The following PATJ variants were observed in gnomAD, a reference collection of about 807,000 sequenced individuals.
PATJ encodes the protein inaD-like protein.
PATJ carries 190 observed loss-of-function variants against 224.9 expected under a neutral mutation model. The ratio of observed to expected loss-of-function variants is 0.84; its 90% CI spans 0.75 to 0.95. The LOEUF (loss-of-function observed/expected upper bound fraction) is 0.95. Among genes scored for constraint, PATJ ranks in the 40% least tolerant of loss-of-function variants. PATJ has a pLI of 0.00. For missense variants in PATJ, 2,121 were observed against 2,270.3 expected, an observed-to-expected ratio of 0.93 and a Z score of 1.34; for synonymous variants, 769 against 820.3, an observed-to-expected ratio of 0.94 and a Z score of 1.07.
chr1:61,930,604 G>A (rs1675886444), intron 27 of PATJ, among the ~76,000 whole-genome samples: 1 of 152,152 alleles, frequency 6.6e-6, no homozygotes, highest in African/African-American at 2.4e-5. Context: ...ATGGGGTCTT[G>A]TTCTGTCATC....
At chr1:61,920,028 T>G (rs770172423) in intron 26 of PATJ, among the ~76,000 whole-genome samples, 16 of 152,194 alleles carry the variant, frequency 1.1e-4, no homozygotes, top group Non-Finnish European at 1.8e-4. Context: ...ACTTACTGAT[T>G]TTTTTTGTTA....
intron 1 of PATJ, among the ~76,000 whole-genome samples, chr1:61,758,605 C>A (rs1645784356): frequency 6.6e-6 from 1 of 152,124 alleles, no homozygotes; most frequent in African/African-American, 2.4e-5. Context: ...CCTTGACCTC[C>A]CAAAGTGCTG....
At chr1:61,828,711 A>G (rs1658777939) in intron 16 of PATJ, among the ~76,000 whole-genome samples, 1 of 152,144 alleles carries the variant, frequency 6.6e-6, no homozygotes, top group African/African-American at 2.4e-5. Flanking sequence ...TTGAGCACAT[A>G]CTTTGCCATC....
intron 6 of PATJ, 112 bp from the exon 7 acceptor site, chr1:61,775,094 C>A (rs1403556411): frequency 2.8e-6 from 3 of 1,087,840 alleles, no homozygotes; most frequent in Non-Finnish European, 2.6e-6. Context: ...TGATTAATTG[C>A]ATGAATGTTC....
At chr1:61,838,521 A>ATTTTTT (rs34877280) in intron 17 of PATJ, among the ~76,000 whole-genome samples, 8 of 115,570 alleles carry the variant, frequency 6.9e-5, no homozygotes, top group Non-Finnish European at 1.2e-4. Context: ...CGCCTGGCTA[A>ATTTTTT]TTTTTTTTTT....
At chr1:62,022,340 T>C (rs1487618043) in intron 29 of PATJ, among the ~76,000 whole-genome samples, 3 of 152,226 alleles carry the variant, frequency 2.0e-5, no homozygotes, top group Non-Finnish European at 4.4e-5. Flanking sequence ...TTTTCCCTTT[T>C]GCTTTTCGCA....
In PATJ at chr1:62,137,380, C is replaced by T. The variant is rs192871487; in HGVS notation, c.5271+8435C>T. 6.8e-3 allele frequency among the ~76,000 whole-genome samples: 781 copies of T among 115,348 alleles called. 5 individuals are homozygous for T. Among genetic ancestry groups the T allele is most frequent in the Non-Finnish European group, 0.01 (594 of 57,658 alleles). The allele number at this position is 115,348 out of a possible 152,430, so 75.7% of individuals were successfully genotyped here. ...AAGGAAACATGGAATAAGTGAGTTT[C>T]GTCGGAGGGGGGAACATAGAATGAG... On this transcript the variant is annotated intron_variant, in intron 41 of 43. Coordinates refer to ENST00000642238, the MANE Select transcript of PATJ (RefSeq NM_001350145.3).
At chr1:62,061,280 C>T (rs1655384641) in intron 31 of PATJ, among the ~76,000 whole-genome samples, 1 of 152,066 alleles carries the variant, frequency 6.6e-6, no homozygotes, top group Non-Finnish European at 1.5e-5. Context: ...CTCCCAGGTT[C>T]AAGCAATTCT....
intron 31 of PATJ, among the ~76,000 whole-genome samples, chr1:62,068,899 T>C (rs1656937763): frequency 6.6e-6 from 1 of 152,214 alleles, no homozygotes; most frequent in Non-Finnish European, 1.5e-5. Flanking sequence ...TCTTCATTCT[T>C]CTTTTTTAGG....
chr1:61,876,101 A>G (rs190889676), intron 21 of PATJ, among the ~76,000 whole-genome samples: 107 of 152,234 alleles, frequency 7.0e-4, no homozygotes, highest in African/African-American at 2.5e-3. Context: ...AATATGTTGT[A>G]AGGGGAGAGA....
At chr1:62,045,021 C>A (rs1652255925) in intron 30 of PATJ, among the ~76,000 whole-genome samples, 1 of 152,078 alleles carries the variant, frequency 6.6e-6, no homozygotes, top group African/African-American at 2.4e-5. Flanking sequence ...AGTTCAAGAC[C>A]AGCCTGGCCA....
rs374756128 is a variant in PATJ at position 62,090,738 on chromosome 1, G to C, written c.4377+6090G>C. Among the ~76,000 whole-genome samples, 71 of 152,242 alleles carry C rather than the reference G, an allele frequency of 4.7e-4. 1 individual carries two copies. The highest frequency in any genetic ancestry group is 6.2e-4 in the South Asian group (3 of 4,816). ...TGTTGAATTTGCATGAAATCCTACA[G>C]CTTAGAGAACTCATCCTACTCTGTC... On this transcript the variant is annotated intron_variant, in intron 33 of 43. Coordinates refer to ENST00000642238, the MANE Select transcript of PATJ (RefSeq NM_001350145.3).
intron 42 of PATJ, among the ~76,000 whole-genome samples, chr1:62,152,413 G>T (rs1196761223): frequency 6.7e-6 from 1 of 149,672 alleles, no homozygotes; most frequent in African/African-American, 2.4e-5. Context: ...CCAGCACTTT[G>T]GGAGGCGTCA....
At chr1:61,781,571 C>G (rs1401786324) in intron 7 of PATJ, among the ~76,000 whole-genome samples, 1 of 152,210 alleles carries the variant, frequency 6.6e-6, no homozygotes, top group African/African-American at 2.4e-5. Context: ...CTCAGCACAC[C>G]TACATCCAAA....
At chr1:61,766,064 A>C (rs191094215) in intron 3 of PATJ, among the ~76,000 whole-genome samples, 2 of 152,354 alleles carry the variant, frequency 1.3e-5, no homozygotes, top group South Asian at 4.1e-4. Flanking sequence ...GCAGGAAATA[A>C]GAACAAATTT....
At chr1:62,122,043 T>C (rs747119130) in intron 38 of PATJ, among the ~76,000 whole-genome samples, 1 of 151,438 alleles carries the variant, frequency 6.6e-6, no homozygotes, top group Non-Finnish European at 1.5e-5. Flanking sequence ...TTATCTTTGA[T>C]TAAGGTAGAA....
chr1:62,043,726 T>TGG (rs112036402), intron 30 of PATJ, among the ~76,000 whole-genome samples: 1,887 of 151,318 alleles, frequency 0.012, 20 homozygotes, highest in Middle Eastern at 0.045. Flanking sequence ...GGTTTTGGTT[T>TGG]GGGGGGGGCA....
At chr1:61,807,416 A>T (rs896536440) in intron 13 of PATJ, among the ~76,000 whole-genome samples, 15 of 152,046 alleles carry the variant, frequency 9.9e-5, no homozygotes, top group African/African-American at 3.4e-4. Flanking sequence ...GGCTCAAGTG[A>T]TCCACCCTGC....
chr1:61,813,386 C>T (rs76176679), intron 14 of PATJ, among the ~76,000 whole-genome samples: 3,024 of 54,792 alleles, frequency 0.055, 55 homozygotes, highest in South Asian at 0.13. Flanking sequence ...TATACACACA[C>T]ACACACACAC....
Sources: allele counts gnomAD v4.1 joint callset (sites outside exome capture counted in the v4.1 genomes callset), GRCh38; gene constraint gnomAD v4.1.1; transcripts MANE v1.5; gene names NCBI Gene and HGNC (gene_info 2026-07-23, HGNC 2026-07-21).